CAMK2G: variants seen among roughly 807,000 people sequenced by gnomAD.
The protein encoded by CAMK2G is calcium/calmodulin-dependent protein kinase type II subunit gamma.
In CAMK2G, 23 loss-of-function variants were observed where a neutral mutation model predicts 88.7. The ratio of observed to expected loss-of-function variants is 0.26; its 90% CI spans 0.19 to 0.37. The LOEUF is 0.37. Ranked by LOEUF, CAMK2G falls within the 10% of genes least tolerant of loss-of-function variation. The pLI, the probability that CAMK2G is intolerant of heterozygous loss-of-function variation, is 1.00. For missense variants in CAMK2G, 476 were observed against 780.8 expected (o/e 0.61, Z 4.65); for synonymous variants, 263 against 294.8 (o/e 0.89, Z 1.11).
intron 2 of CAMK2G, among the ~76,000 whole-genome samples, chr10:73,864,328 T>C (rs2095502755): frequency 6.6e-6 from 1 of 151,390 alleles, no homozygotes; most frequent in South Asian, 2.1e-4. Flanking sequence ...TGAGGCCTAC[T>C]ATGTGACAGA....
intron 2 of CAMK2G, among the ~76,000 whole-genome samples, chr10:73,871,094 A>G (rs1455869248): frequency 6.6e-6 from 1 of 152,072 alleles, no homozygotes; most frequent in Non-Finnish European, 1.5e-5. Flanking sequence ...CAGTCTTGGC[A>G]TATCCATCTT....
intron 1 of CAMK2G, among the ~76,000 whole-genome samples, chr10:73,874,017 G>C (rs969905565): frequency 4.6e-5 from 7 of 150,996 alleles, no homozygotes; most frequent in African/African-American, 1.7e-4. Flanking sequence ...GGGCTGGGGA[G>C]GGTCCTGAGT....
At chr10:73,857,385 T>G (rs2135381803) in intron 3 of CAMK2G, among the ~76,000 whole-genome samples, 1 of 152,242 alleles carries the variant, frequency 6.6e-6, no homozygotes, top group South Asian at 2.1e-4. Context: ...GTTAAATAAC[T>G]TGCCAGAGGT....
chr10:73,855,581 GA>G (rs1377918022), intron 3 of CAMK2G, among the ~76,000 whole-genome samples: 1 of 151,942 alleles, frequency 6.6e-6, no homozygotes, highest in Non-Finnish European at 1.5e-5. Context: ...GCAAGGCCAA[GA>G]ACAGGGCAAG....
chr10:73,831,255 A>G (rs533844886), intron 14 of CAMK2G, among the ~76,000 whole-genome samples: 1 of 152,292 alleles, frequency 6.6e-6, no homozygotes, highest in East Asian at 1.9e-4. Context: ...AAAAAATGCA[A>G]TTGGCCGGGC....
intron 2 of CAMK2G, 147 bp downstream of exon 2, chr10:73,872,842 C>T (rs2095882030): frequency 1.4e-6 from 1 of 701,994 alleles, no homozygotes; most frequent in African/African-American, 1.8e-5. Context: ...TTTCTGGCTT[C>T]AGCCTGACAC....
Position 73,873,062 on chromosome 10 carries a change from G to A in CAMK2G, c.87C>T (p.Arg29=). ...ELGKGAFSVV[R]RCVKKTSTQE... ...GCGTGGAGGTTTTCTTCACACACCTGCGGACCACAGAGAAAGCACCCCTGG... is the reference window on the plus strand; with the variant it reads ...GCGTGGAGGTTTTCTTCACACACCTACGGACCACAGAGAAAGCACCCCTGG... Residue 29 remains arginine (R), a synonymous_variant, in exon 2 of 23, where the codon CGC becomes CGT. Coordinates refer to ENST00000423381, the MANE Select transcript of CAMK2G (RefSeq NM_001367534.1). 1 of 1,612,872 alleles carries A rather than the reference G, an allele frequency of 6.2e-7. No homozygotes were observed. Among genetic ancestry groups the A allele is most frequent in the Non-Finnish European group, 8.5e-7 (1 of 1,178,940 alleles).
chr10:73,815,336 C>T, intron 21 of CAMK2G, 89 bp from the exon 22 acceptor site: 2 of 862,130 alleles, frequency 2.3e-6, no homozygotes, highest in South Asian at 1.6e-5. Flanking sequence ...CTTACCATCT[C>T]CCAAGCAACC....
Position 73,848,977 on chromosome 10 carries a change from G to A in CAMK2G, c.517+36C>T, listed in dbSNP as rs371509849. 8.6e-6 allele frequency: 11 copies of A among 1,274,026 alleles called. No homozygotes were observed. Among genetic ancestry groups the A allele is most frequent in the African/African-American group, 4.4e-5 (3 of 68,424 alleles). 78.9% of individuals were successfully genotyped at this position (1,274,026 alleles called of 1,614,324 possible). ...GCAGATCAGGAAGAGGAGGAAGGGC[G>A]GGGGCTGCATTCCGGGAAGACAGGA... On this transcript the variant is annotated intron_variant, in intron 7 of 22. Transcript: ENST00000423381. This position sits in a 1 kb window ranked among gnomAD's most constrained non-coding sequence, Gnocchi z 4.5.
rs2095337315 is a variant in CAMK2G at position 73,860,751 on chromosome 10, C to G, written c.220+79G>C. 5 of 1,021,826 alleles carry G rather than the reference C, an allele frequency of 4.9e-6. No individual in the cohort carries two copies. The African/African-American group carries it at 7.9e-5, about 16-fold the overall frequency. 63.3% of individuals were successfully genotyped at this position (1,021,826 alleles called of 1,614,324 possible). On this transcript the variant is annotated intron_variant, in intron 3 of 22. Coordinates refer to ENST00000423381, the MANE Select transcript of CAMK2G (RefSeq NM_001367534.1). ...TGAAGGTCCACAGACAGAGGTGATC[C>G]CACACACAAAAGCAGTGGATATCTG...
rs533031456 is a variant in CAMK2G, at chr10:73,842,090, G to A, written c.946+79C>T. ...TGGCCCAGGACGCCGAGGAAACCCA[G>A]CGGTGCCCGGGATGGCAACAGCCCA... is the stretch of plus-strand genomic sequence containing the variant. On this transcript the variant is annotated intron_variant, in intron 12 of 22. Transcript: ENST00000423381. The surrounding 1 kb of genome is among the most constrained non-coding windows in gnomAD (Gnocchi z 4.6). 4 of 1,164,684 alleles carry A rather than the reference G, an allele frequency of 3.4e-6. No homozygotes were observed. The African/African-American group carries it at 6.0e-5, about 18-fold the overall frequency. The allele number at this position is 1,164,684 out of a possible 1,614,324, so 72.1% of individuals were successfully genotyped here. A position where few individuals can be genotyped will look rare whatever the true frequency, so the allele number is the denominator to read the frequency against.
chr10:73,858,137 A>G (rs1003988313), intron 3 of CAMK2G, among the ~76,000 whole-genome samples: 10 of 152,200 alleles, frequency 6.6e-5, no homozygotes, highest in Admixed American at 2.0e-4. Context: ...CTGGGACAGA[A>G]TATCTAGCTA....
At chr10:73,858,176 C>T (rs1352642212) in intron 3 of CAMK2G, among the ~76,000 whole-genome samples, 1 of 152,248 alleles carries the variant, frequency 6.6e-6, no homozygotes, top group Non-Finnish European at 1.5e-5. Flanking sequence ...TGACTGGCCC[C>T]TAGCACCAAA....
chr10:73,824,455 G>A (rs751962304), intron 16 of CAMK2G, among the ~76,000 whole-genome samples: 13 of 152,180 alleles, frequency 8.5e-5, no homozygotes, highest in Non-Finnish European at 1.5e-4. Flanking sequence ...GCCGGGCCCC[G>A]CCCACAGCGT....
chr10:73,845,577 A>C (rs1202322543), intron 10 of CAMK2G, among the ~76,000 whole-genome samples: 1 of 139,100 alleles, frequency 7.2e-6, no homozygotes, highest in African/African-American at 2.7e-5. Flanking sequence ...ACTCCATCTC[A>C]AAAAAAAAAA....
chr10:73,816,244 C>T (rs1565141684), intron 21 of CAMK2G: 17 of 988,754 alleles, frequency 1.7e-5, no homozygotes, highest in South Asian at 4.6e-5. Context: ...CTATACAAGA[C>T]GTCTGCCTTC....
rs1166533591 is a variant in CAMK2G at position 73,820,492 on chromosome 10, A to ATT, written c.1250-849_1250-848dup. ...TATATATATATATATATATATATAT[A>ATT]TTTTTTTTTTTTTTTTTTTCTTGAG... On this transcript the variant is annotated intron_variant, in intron 18 of 22. Transcript: ENST00000423381. 5.6e-3 allele frequency among the ~76,000 whole-genome samples: 288 copies of ATT among 51,042 alleles called. 7 individuals are homozygous for ATT. The highest frequency in any genetic ancestry group is 0.016 in the Middle Eastern group (1 of 62). 33.5% of individuals were successfully genotyped at this position (51,042 alleles called of 152,430 possible). A position where few individuals can be genotyped will look rare whatever the true frequency, so the allele number is the denominator to read the frequency against.
At chr10:73,852,368 C>A in intron 4 of CAMK2G, 49 bp from the exon 5 acceptor site, 1 of 1,490,628 alleles carries the variant, frequency 6.7e-7, no homozygotes, top group Non-Finnish European at 9.4e-7. Flanking sequence ...GGTCCTTTGT[C>A]CAACCCCAAT....
At chr10:73,859,170 G>T (rs187313076) in intron 3 of CAMK2G, among the ~76,000 whole-genome samples, 28 of 152,304 alleles carry the variant, frequency 1.8e-4, no homozygotes, top group Admixed American at 1.2e-3. Flanking sequence ...TCCTGTTCTG[G>T]AACTTCTAGG....
Sources: allele counts gnomAD v4.1 joint callset (sites outside exome capture counted in the v4.1 genomes callset), GRCh38; gene constraint gnomAD v4.1.1; non-coding constraint Gnocchi (gnomAD v3.1); transcripts MANE v1.5; gene names NCBI Gene and HGNC (gene_info 2026-07-23, HGNC 2026-07-21).